CAST: variants seen among roughly 807,000 people sequenced by gnomAD.
The protein encoded by CAST is MIR583 host.
CAST carries 76 observed loss-of-function variants against 119.6 expected under a neutral mutation model. That is an observed-to-expected ratio of 0.64 (90% CI 0.53 to 0.77). The LOEUF is 0.77. CAST is among the 30% of genes least tolerant of loss of function. CAST has a pLI of 0.00. For missense variants in CAST, 953 were observed against 946.5 expected (o/e 1.01, Z -0.09); for synonymous variants, 319 against 331.6 (o/e 0.96, Z 0.41).
chr5:96,248,210 C>T, the CAST span, among the ~76,000 whole-genome samples: 2 of 152,030 alleles, frequency 1.3e-5, no homozygotes, highest in Admixed American at 1.3e-4. Context: ...GCTCTTTGTC[C>T]CTCTTGGACC....
intron 3 of CAST, among the ~76,000 whole-genome samples, chr5:96,704,896 T>C (rs533732920): frequency 6.6e-6 from 1 of 152,356 alleles, no homozygotes; most frequent in South Asian, 2.1e-4. Flanking sequence ...CTTGGCATTT[T>C]GGGTGACAAT....
At chr5:96,457,659 T>C in the CAST span, among the ~76,000 whole-genome samples, 1 of 152,214 alleles carries the variant, frequency 6.6e-6, no homozygotes, top group South Asian at 2.1e-4. Context: ...CACAAGCAAA[T>C]CTCTTGGCAT....
At chr5:96,263,514 T>C in the CAST span, among the ~76,000 whole-genome samples, 1 of 151,914 alleles carries the variant, frequency 6.6e-6, no homozygotes, top group Non-Finnish European at 1.5e-5. Flanking sequence ...CAATCACCTG[T>C]TGAGAATTTT....
the CAST span, among the ~76,000 whole-genome samples, chr5:96,122,925 A>G: frequency 6.6e-6 from 1 of 152,162 alleles, no homozygotes; most frequent in South Asian, 2.1e-4. Context: ...ATTTATAGTC[A>G]GTGGAACAAC....
the CAST span, among the ~76,000 whole-genome samples, chr5:96,310,337 A>G: frequency 3.9e-5 from 6 of 152,264 alleles, no homozygotes; most frequent in African/African-American, 1.4e-4. Context: ...GTTTGCTGCT[A>G]TTGTGATGAG....
At chr5:96,054,106 C>T in the CAST span, among the ~76,000 whole-genome samples, 1 of 151,906 alleles carries the variant, frequency 6.6e-6, no homozygotes, top group African/African-American at 2.4e-5. Flanking sequence ...TTTTCCATTC[C>T]AAAGCACTTA....
chr5:96,295,837 T>C, the CAST span, among the ~76,000 whole-genome samples: 1 of 152,292 alleles, frequency 6.6e-6, no homozygotes, highest in East Asian at 1.9e-4. Flanking sequence ...GTATGAGCAG[T>C]AAGATGTCCA....
chr5:96,179,960 C>T, the CAST span, among the ~76,000 whole-genome samples: 18 of 151,638 alleles, frequency 1.2e-4, no homozygotes, highest in Admixed American at 7.9e-4. Flanking sequence ...GGCAGGAACC[C>T]GGGAGGTGGA....
the CAST span, among the ~76,000 whole-genome samples, chr5:96,280,236 G>A: frequency 3.9e-5 from 6 of 152,008 alleles, no homozygotes; most frequent in Admixed American, 1.3e-4. Flanking sequence ...GGTACTCAAC[G>A]TTGTGGTTTT....
intron 2 of CAST, among the ~76,000 whole-genome samples, chr5:96,693,349 G>T (rs150234914): frequency 1.2e-3 from 179 of 152,322 alleles, no homozygotes; most frequent in African/African-American, 4.1e-3. Context: ...TAACTTAATA[G>T]TTTCATCACA....
the CAST span, among the ~76,000 whole-genome samples, chr5:96,275,608 C>A: frequency 6.6e-6 from 1 of 152,180 alleles, no homozygotes; most frequent in African/African-American, 2.4e-5. Flanking sequence ...CTGCTCTCAC[C>A]CCTTTCTTGT....
At chr5:96,119,963 C>T in the CAST span, among the ~76,000 whole-genome samples, 2 of 152,132 alleles carry the variant, frequency 1.3e-5, no homozygotes, top group South Asian at 4.1e-4. Flanking sequence ...AGCTGGACAT[C>T]ACCAGTATCT....
intron 3 of CAST, among the ~76,000 whole-genome samples, chr5:96,716,778 A>G (rs1411651916): frequency 6.6e-6 from 1 of 152,174 alleles, no homozygotes; most frequent in African/African-American, 2.4e-5. Flanking sequence ...AGATTTTTTA[A>G]TTTAGAAAAT....
At chr5:96,415,863 C>G in the CAST span, among the ~76,000 whole-genome samples, 2 of 152,034 alleles carry the variant, frequency 1.3e-5, no homozygotes, top group Non-Finnish European at 2.9e-5. Context: ...TCTAGGAATC[C>G]ATATCTATTG....
the CAST span, among the ~76,000 whole-genome samples, chr5:96,510,797 T>C: frequency 2.1e-4 from 32 of 152,348 alleles, 1 homozygote; most frequent in Admixed American, 1.2e-3. Context: ...TAAAATGACA[T>C]TATGTCTGAT....
chr5:96,549,620 G>A (rs1561413192), intron 1 of CAST, among the ~76,000 whole-genome samples: 1 of 152,180 alleles, frequency 6.6e-6, no homozygotes, highest in Non-Finnish European at 1.5e-5. Context: ...AGGGGGTTGG[G>A]GGATTTCCCT....
the CAST span, among the ~76,000 whole-genome samples, chr5:96,351,906 G>T: frequency 6.6e-6 from 1 of 152,150 alleles, no homozygotes; most frequent in African/African-American, 2.4e-5. Context: ...TTTCTAAAAG[G>T]ATCACAGAAA....
chr5:96,021,636 C>CG, the CAST span, among the ~76,000 whole-genome samples: 9 of 152,080 alleles, frequency 5.9e-5, no homozygotes, highest in South Asian at 1.9e-3. Context: ...TTAGTAGAGG[C>CG]GGGGTTTCAC....
chr5:96,359,950 C>T, the CAST span, among the ~76,000 whole-genome samples: 23 of 152,282 alleles, frequency 1.5e-4, no homozygotes, highest in African/African-American at 5.5e-4. Context: ...TTCCATTCTC[C>T]CCGTCACTTT....
Sources: allele counts gnomAD v4.1 joint callset (sites outside exome capture counted in the v4.1 genomes callset), GRCh38; gene constraint gnomAD v4.1.1; transcripts MANE v1.5; gene names NCBI Gene and HGNC (gene_info 2026-07-23, HGNC 2026-07-21).